Variants in EIF3D observed in about 807,000 individuals in gnomAD.
EIF3D encodes the protein eIF3 p66.
In EIF3D, 10 loss-of-function variants were observed where a neutral mutation model predicts 75.4. That is an observed-to-expected ratio of 0.13 (90% CI 0.08 to 0.22). The LOEUF (loss-of-function observed/expected upper bound fraction) is 0.22. EIF3D is among the 10% of genes least tolerant of loss of function. EIF3D has a pLI of 1.00. For synonymous variants in EIF3D, 246 were observed against 248.3 expected (o/e 0.99, Z 0.09); for missense variants, 394 against 708.0 (o/e 0.56, Z 5.03).
intron 1 of EIF3D, 64 bp from the exon 2 acceptor site, chr22:36,526,195 C>A: frequency 6.8e-7 from 1 of 1,461,388 alleles, no homozygotes; most frequent in South Asian, 1.5e-5. Context: ...AAACACCCTC[C>A]ATATGAAGTA....
chr22:36,520,271 C>G (rs1934491621), intron 7 of EIF3D, among the ~76,000 whole-genome samples: 1 of 152,048 alleles, frequency 6.6e-6, no homozygotes. Flanking sequence ...ATTCTCGTGC[C>G]TCAGCCTCCT....
At chr22:36,512,705 A>G in intron 12 of EIF3D, 103 bp from the exon 13 acceptor site, 2 of 1,381,276 alleles carry the variant, frequency 1.4e-6, no homozygotes, top group Non-Finnish European at 2.0e-6. Flanking sequence ...CTTGCTTAGA[A>G]AGTGGGTAGG....
At position 36,518,821 on chromosome 22, in the gene EIF3D, A is replaced by G; in HGVS notation, c.801T>C (p.Ile267=). Residue 267 remains isoleucine (I), a synonymous_variant, in exon 9 of 15, where the codon ATT becomes ATC. Transcript: ENST00000216190. ...GTTTGGACCCAACTCTCTGGACGAC[A>G]ATATCCCAGGAATACACTGAGCGGG... is the stretch of plus-strand genomic sequence containing the variant. ...SCTRSVYSWD[I]VVQRVGSKLF... 1.9e-6 allele frequency: 3 copies of G among 1,614,244 alleles called. No homozygotes were observed. Among genetic ancestry groups the G allele is most frequent in the Non-Finnish European group, 2.5e-6 (3 of 1,180,046 alleles).
At position 36,511,505 on chromosome 22, in the gene EIF3D, T is replaced by C. The variant is rs1267304765; in HGVS notation, c.1631A>G (p.Glu544Gly). 4.3e-6 allele frequency: 7 copies of C among 1,613,604 alleles called. No homozygotes were observed. The highest frequency in any genetic ancestry group is 2.2e-5 in the South Asian group (2 of 91,020). Residue 544 changes from glutamate to glycine, a missense_variant and splice_region_variant, in exon 14 of 15, where the codon GAA becomes GGA. Transcript: ENST00000216190. ...EEEEEEEEEEEEEET is the reference protein window; with the variant it reads ...EEEEEEEEEEGEEET ...TCAGAAAGTGGGCTGCTACACACCTTCTTCTTCCTCTTCTTCCTCCTCCTC... is the reference window on the plus strand; with the variant it reads ...TCAGAAAGTGGGCTGCTACACACCTCCTTCTTCCTCTTCTTCCTCCTCCTC...
At chr22:36,526,966 A>C (rs1934614206) in intron 1 of EIF3D, 1 of 152,158 alleles carries the variant, frequency 6.6e-6, no homozygotes, top group Non-Finnish European at 1.5e-5. Context: ...AAGTATTCAG[A>C]CTTGCAAAAG....
At chr22:36,514,432 G>A (rs920166766) in intron 12 of EIF3D, among the ~76,000 whole-genome samples, 31 of 152,146 alleles carry the variant, frequency 2.0e-4, no homozygotes, top group Admixed American at 1.6e-3. Flanking sequence ...TGTCAAAAGG[G>A]ATTTTGCAGA....
At chr22:36,522,408 T>G (rs1043893168) in intron 6 of EIF3D, among the ~76,000 whole-genome samples, 28 of 152,166 alleles carry the variant, frequency 1.8e-4, no homozygotes, top group African/African-American at 6.7e-4. Context: ...CCCGAGTATA[T>G]GGAGGGCCGA....
In EIF3D at chr22:36,520,564, G is replaced by T. The variant is rs1425298190; in HGVS notation, c.578+12C>A. 1 of 1,590,664 alleles carries T rather than the reference G, an allele frequency of 6.3e-7. No individual in the cohort carries two copies. Among genetic ancestry groups the T allele is most frequent in the Non-Finnish European group, 8.6e-7 (1 of 1,159,194 alleles). On this transcript the variant is annotated intron_variant, in intron 7 of 14. Transcript: ENST00000216190. ...AAGAGCAGTGTAGAAAGTAGTAAAA[G>T]ATGCTGCTTACATGTCCTGTGGCTC...
chr22:36,523,328 G>C (rs73169675), intron 5 of EIF3D, 47 bp from the exon 6 acceptor site: 94,023 of 1,484,098 alleles, frequency 0.063, 3,403 homozygotes, highest in Non-Finnish European at 0.073. Context: ...TAAACCAGTG[G>C]CTTCTTCAAA....
At chr22:36,511,216 A>C (rs564802190) in intron 14 of EIF3D, 2 of 804,206 alleles carry the variant, frequency 2.5e-6, no homozygotes, top group African/African-American at 3.5e-5. Context: ...CCCGGAGCGG[A>C]GCTTTTCCCT....
intron 6 of EIF3D, among the ~76,000 whole-genome samples, chr22:36,522,697 T>C (rs1345023766): frequency 3.3e-5 from 5 of 152,156 alleles, no homozygotes; most frequent in African/African-American, 1.2e-4. Flanking sequence ...TGGAATTCAT[T>C]TGGCAATCTG....
intron 10 of EIF3D, 178 bp from the exon 11 acceptor site, chr22:36,516,968 C>A: frequency 1.6e-6 from 1 of 639,050 alleles, no homozygotes; most frequent in Non-Finnish European, 2.8e-6. Flanking sequence ...CTGTTAGCAC[C>A]TGATGAATTA....
chr22:36,524,562 C>T (rs747728362), intron 4 of EIF3D, 34 bp downstream of exon 4: 4 of 1,613,532 alleles, frequency 2.5e-6, no homozygotes, highest in East Asian at 4.5e-5. Flanking sequence ...CAGTAACAGC[C>T]CCAAGATGGT....
chr22:36,518,131 T>C (rs925977379), intron 9 of EIF3D, among the ~76,000 whole-genome samples: 3 of 152,056 alleles, frequency 2.0e-5, no homozygotes, highest in Non-Finnish European at 4.4e-5. Context: ...TATATATGTA[T>C]ATACAGTAAG....
At chr22:36,515,603 T>C (rs930574300) in intron 12 of EIF3D, among the ~76,000 whole-genome samples, 1 of 152,190 alleles carries the variant, frequency 6.6e-6, no homozygotes, top group East Asian at 1.9e-4. Context: ...TAATTTGTTA[T>C]GGTGCGAAAG....
chr22:36,512,185 C>T (rs141548228), intron 13 of EIF3D, among the ~76,000 whole-genome samples: 102 of 152,282 alleles, frequency 6.7e-4, no homozygotes, highest in Middle Eastern at 3.4e-3. Context: ...CCACCGCGCC[C>T]GGCAGTCCAC....
chr22:36,529,083 G>C lies in EIF3D; in HGVS notation c.-18C>G, dbSNP rs1200377937. The C allele has an allele frequency of 2.6e-6, 1 of 391,964 alleles. No homozygotes were observed. 24.3% of individuals were successfully genotyped at this position (391,964 alleles called of 1,614,324 possible). On this transcript the variant is annotated 5_prime_UTR_variant, in exon 1 of 15. Coordinates refer to ENST00000216190, the MANE Select transcript of EIF3D (RefSeq NM_003753.4). ...ATGAAACACGCCGCTCACCTGCAAT[G>C]GCCTCGGCCGGCCGGGATGGCAACA...
chr22:36,526,160 G>C (rs1421026380), intron 1 of EIF3D, 29 bp from the exon 2 acceptor site: 4 of 1,567,108 alleles, frequency 2.6e-6, no homozygotes, highest in Non-Finnish European at 3.5e-6. Context: ...GTGAGTAGCG[G>C]CATGAACGAA....
intron 12 of EIF3D, chr22:36,516,166 G>T: frequency 4.1e-6 from 1 of 242,072 alleles, no homozygotes; most frequent in Non-Finnish European, 7.9e-6. Flanking sequence ...TCAGGGAGCA[G>T]AAGTCAACAG....
Sources: gnomAD v4.1 joint callset for allele counts (sites outside exome capture counted in the v4.1 genomes callset) on GRCh38, gnomAD v4.1.1 for gene constraint, MANE v1.5 for transcripts, NCBI Gene and HGNC (gene_info 2026-07-23, HGNC 2026-07-21) for gene names.